The following CERS6 variants were observed in gnomAD, a reference collection of about 807,000 sequenced individuals.
The protein encoded by CERS6 is LAG1 homolog, ceramide synthase 6.
Under a neutral mutation model 56.8 loss-of-function variants are expected in CERS6, and 26 were observed. That is an observed-to-expected ratio of 0.46 (90% confidence interval 0.34 to 0.63). The LOEUF (loss-of-function observed/expected upper bound fraction) is 0.63. Among genes scored for constraint, CERS6 ranks in the 30% least tolerant of loss-of-function variants. CERS6 has a pLI of 0.01. For synonymous variants in CERS6, 164 were observed against 173.3 expected (o/e 0.95, Z 0.42); for missense variants, 415 against 467.5 (o/e 0.89, Z 1.04).
chr2:168,477,361 A>G (rs1050579645), intron 1 of CERS6, among the ~76,000 whole-genome samples: 7 of 152,170 alleles, frequency 4.6e-5, no homozygotes, highest in Admixed American at 2.0e-4. Context: ...GTCCATAGCC[A>G]TGTGTCTCTA....
chr2:168,740,523 CATT>C (rs1683865001), intron 8 of CERS6, among the ~76,000 whole-genome samples: 1 of 152,102 alleles, frequency 6.6e-6, no homozygotes, highest in African/African-American at 2.4e-5. Context: ...ATGTGGTGAG[CATT>C]ATGAAGACGT....
chr2:168,685,751 G>T (rs866747758), intron 4 of CERS6, among the ~76,000 whole-genome samples: 2 of 152,038 alleles, frequency 1.3e-5, no homozygotes, highest in Non-Finnish European at 2.9e-5. Flanking sequence ...GATCAGGTTT[G>T]CTCAGGGTAA....
chr2:168,700,086 C>T (rs1686767106), intron 6 of CERS6, among the ~76,000 whole-genome samples: 1 of 152,106 alleles, frequency 6.6e-6, no homozygotes, highest in East Asian at 1.9e-4. Flanking sequence ...AACTTGTTGC[C>T]CTTTTGGTCT....
chr2:168,656,136 G>A (rs1685462719), intron 4 of CERS6, among the ~76,000 whole-genome samples: 1 of 152,154 alleles, frequency 6.6e-6, no homozygotes, highest in South Asian at 2.1e-4. Context: ...AAGAGATTCT[G>A]CCTGGATGGT....
chr2:168,643,224 TAA>T (rs1685089738), intron 4 of CERS6, among the ~76,000 whole-genome samples: 1 of 152,122 alleles, frequency 6.6e-6, no homozygotes, highest in South Asian at 2.1e-4. Flanking sequence ...AAGAAATTGA[TAA>T]AGTGATACTT....
At chr2:168,607,568 G>A (rs1416815860) in intron 3 of CERS6, among the ~76,000 whole-genome samples, 1 of 152,122 alleles carries the variant, frequency 6.6e-6, no homozygotes, top group Non-Finnish European at 1.5e-5. Context: ...TTTTAGTAGA[G>A]ACGGGGTTTC....
intron 6 of CERS6, among the ~76,000 whole-genome samples, chr2:168,697,287 T>C (rs1686677345): frequency 6.6e-6 from 1 of 152,194 alleles, no homozygotes; most frequent in African/African-American, 2.4e-5. Flanking sequence ...TAATTTGTGG[T>C]TCCCTTACTC....
chr2:168,498,101 A>T (rs930351989), intron 1 of CERS6, among the ~76,000 whole-genome samples: 1 of 152,212 alleles, frequency 6.6e-6, no homozygotes, highest in African/African-American at 2.4e-5. Flanking sequence ...CGCTGTTATC[A>T]GTAAGCTTCA....
chr2:168,690,144 T>C (rs1372230232), intron 4 of CERS6, among the ~76,000 whole-genome samples: 3 of 152,308 alleles, frequency 2.0e-5, no homozygotes, highest in South Asian at 2.1e-4. Flanking sequence ...CTAATTGTCC[T>C]CATTCCTATG....
intron 3 of CERS6, among the ~76,000 whole-genome samples, chr2:168,611,998 T>C (rs926905366): frequency 1.3e-5 from 2 of 152,234 alleles, no homozygotes. Context: ...TGAAGTCATT[T>C]ATTGGGTGTA....
chr2:168,487,237 A>C (rs73969226), intron 1 of CERS6, among the ~76,000 whole-genome samples: 1 of 152,120 alleles, frequency 6.6e-6, no homozygotes, highest in African/African-American at 2.4e-5. Flanking sequence ...TTATTTATCT[A>C]TTCCTATAGT....
chr2:168,721,263 A>G (rs528661123), intron 8 of CERS6, among the ~76,000 whole-genome samples: 1 of 152,280 alleles, frequency 6.6e-6, no homozygotes, highest in East Asian at 1.9e-4. Flanking sequence ...AGATTTATCC[A>G]TGTTGTAGCT....
In CERS6 at chr2:168,552,646, T is replaced by C. The variant is rs117402062; in HGVS notation, c.276+4945T>C. ...AAGAACCACCCACTGTTTGCAACAATAGGTGCAGGAACAGGTGAGCCAGGC... is the reference window on the plus strand; with the variant it reads ...AAGAACCACCCACTGTTTGCAACAACAGGTGCAGGAACAGGTGAGCCAGGC... On this transcript the variant is annotated intron_variant, in intron 2 of 9. Coordinates refer to ENST00000305747, the MANE Select transcript of CERS6 (RefSeq NM_203463.3). Among the ~76,000 whole-genome samples, 433 of 152,138 alleles carry C rather than the reference T, an allele frequency of 2.8e-3. 5 individuals are homozygous for C. The East Asian group carries it at 0.05, about 18-fold the overall frequency.
Position 168,547,681 on chromosome 2 carries a change from G to A in CERS6, c.256G>A (p.Val86Ile). Residue 86 changes from valine to isoleucine, a missense_variant, in exon 2 of 10, where the codon GTC becomes ATC. Transcript: ENST00000305747. ...TCCGCCCAATGCCATTCTGGAAAAG[G>A]TCTTCACTGCAATTACAAAGGTATG... ...IAPPNAILEKVFTAITKHPDE... is the reference protein window; with the variant it reads ...IAPPNAILEKIFTAITKHPDE... 6.2e-7 allele frequency: 1 copy of A among 1,610,554 alleles called. No homozygotes were observed. Among genetic ancestry groups the A allele is most frequent in the Non-Finnish European group, 8.5e-7 (1 of 1,176,718 alleles).
chr2:168,668,875 A>AT (rs1053923648), intron 4 of CERS6, among the ~76,000 whole-genome samples: 4 of 152,086 alleles, frequency 2.6e-5, no homozygotes, highest in Admixed American at 6.6e-5. Flanking sequence ...ATGTTATTAG[A>AT]TTTTTTTTAT....
At chr2:168,602,722 T>C (rs959634446) in intron 3 of CERS6, among the ~76,000 whole-genome samples, 6 of 152,194 alleles carry the variant, frequency 3.9e-5, no homozygotes. Flanking sequence ...TGAAGCGAAG[T>C]TCAGGTTGGT....
chr2:168,612,831 G>T (rs955304759), intron 3 of CERS6, among the ~76,000 whole-genome samples: 2 of 152,186 alleles, frequency 1.3e-5, no homozygotes, highest in East Asian at 1.9e-4. Flanking sequence ...GCAACCTCCT[G>T]TGTAGATTTT....
chr2:168,711,402 A>G (rs1038717935), intron 6 of CERS6, among the ~76,000 whole-genome samples: 5 of 152,240 alleles, frequency 3.3e-5, no homozygotes, highest in African/African-American at 1.2e-4. Flanking sequence ...CTAGAATTAT[A>G]GAACTGACAG....
intron 6 of CERS6, among the ~76,000 whole-genome samples, chr2:168,712,520 C>A (rs1031137305): frequency 2.0e-5 from 3 of 152,136 alleles, no homozygotes; most frequent in African/African-American, 7.2e-5. Context: ...TTATTCTTGA[C>A]CCTTAACCTC....
Sources: allele counts gnomAD v4.1 joint callset (sites outside exome capture counted in the v4.1 genomes callset), GRCh38; gene constraint gnomAD v4.1.1; transcripts MANE v1.5; gene names NCBI Gene and HGNC (gene_info 2026-07-23, HGNC 2026-07-21).